RPS6KA6: variants seen among roughly 807,000 people sequenced by gnomAD.
The protein encoded by RPS6KA6 is ribosomal protein S6 kinase A6.
A neutral mutation model predicts 65.4 loss-of-function variants in RPS6KA6; 27 were observed. The observed-to-expected ratio is 0.41, with a 90% CI of 0.30 to 0.57. The LOEUF (loss-of-function observed/expected upper bound fraction) is 0.57. Ranked by LOEUF, RPS6KA6 falls within the 20% of genes least tolerant of loss-of-function variation. The pLI, the probability that RPS6KA6 is intolerant of heterozygous loss-of-function variation, is 0.24. For missense variants in RPS6KA6, 486 were observed against 555.6 expected (o/e 0.87, Z 1.26); for synonymous variants, 190 against 184.2 (o/e 1.03, Z -0.26).
chrX:84,105,858 G>A lies in RPS6KA6; in HGVS notation c.1384C>T (p.Arg462Ter), dbSNP rs2034349874. 8.7e-7 allele frequency: 1 copy of A among 1,146,853 alleles called. No homozygotes were observed. The highest frequency in any genetic ancestry group is 1.2e-6 in the Non-Finnish European group (1 of 846,009). The allele number at this position is 1,146,853 out of a possible 1,213,427, so 94.5% of individuals were successfully genotyped here. ...FAVKIIDKSKRDPSEEIEILM... is the reference protein window; with the variant it reads ...FAVKIIDKSK ...ATTTCAATCTCTTCTGAAGGGTCTCGCTTACTTTTGTCAATGATCTAAGAA... is the reference window on the plus strand; with the variant it reads ...ATTTCAATCTCTTCTGAAGGGTCTCACTTACTTTTGTCAATGATCTAAGAA... The change falls in exon 16 of 22, where the codon CGA becomes TGA. Residue 462 changes from arginine (R) to a stop codon, truncating the protein, a stop_gained. Coordinates refer to ENST00000262752, the MANE Select transcript of RPS6KA6 (RefSeq NM_014496.5). LOFTEE classifies it high-confidence loss of function.
chrX:84,143,524 C>G (rs753035987), intron 6 of RPS6KA6, among the ~76,000 whole-genome samples: 1 of 110,798 alleles, frequency 9.0e-6, no homozygotes, highest in Non-Finnish European at 1.9e-5. Flanking sequence ...AACAATACTG[C>G]GAGAAATTAA....
intron 2 of RPS6KA6, among the ~76,000 whole-genome samples, chrX:84,159,609 A>T (rs1011416864): frequency 9.0e-6 from 1 of 111,146 alleles, no homozygotes; most frequent in African/African-American, 3.3e-5. Flanking sequence ...TAAACTGTGA[A>T]TTTGAGGATA....
At chrX:84,115,536 A>G (rs900962071) in intron 12 of RPS6KA6, among the ~76,000 whole-genome samples, 1 of 111,991 alleles carries the variant, frequency 8.9e-6, no homozygotes, top group African/African-American at 3.2e-5. Flanking sequence ...ACCTTTATGA[A>G]AAACCATATG....
At position 84,063,300 on chromosome X, in the gene RPS6KA6, A is replaced by ATT. The variant is rs2033331497; in HGVS notation, c.*975_*976dup. On this transcript the variant is annotated 3_prime_UTR_variant, in exon 22 of 22. Transcript: ENST00000262752. ...AAGATGTCAACTGTATTATCATAGGATTCAAGGTAGAATGATATGCTACAC... is the reference window on the plus strand; with the variant it reads ...AAGATGTCAACTGTATTATCATAGGATTTTCAAGGTAGAATGATATGCTACAC... 1 of 110,096 alleles carries ATT rather than the reference A, an allele frequency of 9.1e-6. No individual in the cohort carries two copies. The highest frequency in any genetic ancestry group is 1.9e-5 in the Non-Finnish European group (1 of 52,614). The allele number at this position is 110,096 out of a possible 1,213,427, so 9.1% of individuals were successfully genotyped here.
intron 9 of RPS6KA6, 100 bp downstream of exon 9, chrX:84,119,785 C>A (rs778598697): frequency 1.9e-5 from 10 of 525,854 alleles, no homozygotes; most frequent in Non-Finnish European, 2.5e-5. Flanking sequence ...ATTATCAGAA[C>A]CCCTTTCTGA....
intron 9 of RPS6KA6, 142 bp downstream of exon 9, chrX:84,119,743 G>A (rs2034634669): frequency 5.6e-6 from 2 of 357,436 alleles, no homozygotes; most frequent in South Asian, 2.7e-4. Context: ...GTAACAGCTA[G>A]CCAATCACAA....
rs1157909924 is a variant in RPS6KA6, at chrX:84,062,623, A to T, written c.*1654T>A. ...TTCAATTATTTCCAAAAGATACCTC[A>T]AAATAAGAATACATACTTTAATATA... On this transcript the variant is annotated 3_prime_UTR_variant, in exon 22 of 22. Transcript: ENST00000262752. 9.0e-6 allele frequency: 1 copy of T among 111,643 alleles called. No homozygotes were observed. The highest frequency in any genetic ancestry group is 1.9e-5 in the Non-Finnish European group (1 of 53,077). The allele number at this position is 111,643 out of a possible 1,213,427, so 9.2% of individuals were successfully genotyped here.
At chrX:84,148,898 T>C (rs930513421) in intron 3 of RPS6KA6, among the ~76,000 whole-genome samples, 4 of 111,328 alleles carry the variant, frequency 3.6e-5, no homozygotes, top group Admixed American at 2.9e-4. Context: ...GTTGCACAGA[T>C]TGACTTCCTT....
At chrX:84,163,367 C>T (rs896273055) in intron 2 of RPS6KA6, among the ~76,000 whole-genome samples, 2 of 110,886 alleles carry the variant, frequency 1.8e-5, no homozygotes, top group Non-Finnish European at 3.8e-5. Flanking sequence ...CGGCCGGGCG[C>T]GGTGGCTCAC....
At chrX:84,147,084 TA>T in intron 4 of RPS6KA6, 26 bp from the exon 5 acceptor site, 2 of 851,385 alleles carry the variant, frequency 2.3e-6, no homozygotes, top group Non-Finnish European at 3.4e-6. Context: ...AGGTACAATA[TA>T]TTGCTCTCTT....
chrX:84,118,878 G>C (rs1358925033), intron 9 of RPS6KA6, among the ~76,000 whole-genome samples: 1 of 111,584 alleles, frequency 9.0e-6, no homozygotes, highest in Non-Finnish European at 1.9e-5. Context: ...GAATCTAAAA[G>C]TTTCCTCCTA....
At chrX:84,171,936 G>A (rs1363528814) in intron 1 of RPS6KA6, among the ~76,000 whole-genome samples, 1 of 110,931 alleles carries the variant, frequency 9.0e-6, no homozygotes, top group African/African-American at 3.3e-5. Flanking sequence ...TGTGGTGTTC[G>A]GTTTTCTGTC....
intron 3 of RPS6KA6, among the ~76,000 whole-genome samples, chrX:84,150,277 G>A (rs1415542159): frequency 9.0e-6 from 1 of 111,182 alleles, no homozygotes; most frequent in Admixed American, 9.6e-5. Context: ...TAATAAGGCT[G>A]TTTCACTTTC....
intron 8 of RPS6KA6, among the ~76,000 whole-genome samples, chrX:84,121,663 G>A (rs1277905041): frequency 1.8e-5 from 2 of 111,649 alleles, no homozygotes; most frequent in Non-Finnish European, 3.8e-5. Flanking sequence ...GCAATTCCAT[G>A]GAGAAAAAGC....
chrX:84,081,523 A>T (rs763720986), intron 20 of RPS6KA6, among the ~76,000 whole-genome samples: 34 of 111,899 alleles, frequency 3.0e-4, no homozygotes, highest in Admixed American at 1.1e-3. Context: ...TTCACAGCCA[A>T]CTTCTACCAG....
At chrX:84,093,057 T>C (rs983183997) in intron 20 of RPS6KA6, among the ~76,000 whole-genome samples, 12 of 112,149 alleles carry the variant, frequency 1.1e-4, no homozygotes, top group African/African-American at 2.6e-4. Context: ...CTGGAGGACA[T>C]TGTGTTAAGT....
intron 12 of RPS6KA6, among the ~76,000 whole-genome samples, chrX:84,110,228 A>C (rs1029083531): frequency 8.9e-6 from 1 of 111,773 alleles, no homozygotes. Context: ...TAAATAGAAC[A>C]TATTGCTACC....
chrX:84,135,295 G>C, intron 6 of RPS6KA6, 85 bp from the exon 7 acceptor site: 1 of 581,173 alleles, frequency 1.7e-6, no homozygotes, highest in Non-Finnish European at 2.7e-6. Context: ...TGAGTAGACA[G>C]ACAAATCTAG....
At chrX:84,083,526 C>T (rs950002133) in intron 20 of RPS6KA6, among the ~76,000 whole-genome samples, 1 of 112,010 alleles carries the variant, frequency 8.9e-6, no homozygotes, top group Non-Finnish European at 1.9e-5. Context: ...TAATGGCTTC[C>T]AGCTATATCC....
Sources: gnomAD v4.1 joint callset for allele counts (sites outside exome capture counted in the v4.1 genomes callset) on GRCh38, gnomAD v4.1.1 for gene constraint, MANE v1.5 for transcripts, NCBI Gene and HGNC (gene_info 2026-07-23, HGNC 2026-07-21) for gene names.